Variants in NCOR1 observed in about 807,000 individuals in gnomAD.
NCOR1 encodes nuclear receptor corepressor 1, also known as protein phosphatase 1, regulatory subunit 109.
Under a neutral mutation model 288.1 loss-of-function variants are expected in NCOR1, and 63 were observed. The observed-to-expected ratio is 0.22, with a 90% confidence interval of 0.18 to 0.27. The LOEUF (loss-of-function observed/expected upper bound fraction) is 0.27, where lower values mean the gene tolerates loss of function less well. Among genes scored for constraint, NCOR1 ranks in the 10% least tolerant of loss-of-function variants. The pLI, the probability that NCOR1 is intolerant of heterozygous loss-of-function variation, is 1.00. For synonymous variants in NCOR1, 1,007 were observed against 1,065.9 expected (o/e 0.94, Z 1.08); for missense variants, 2,397 against 3,019.2 (o/e 0.79, Z 4.83).
At chr17:16,196,366 T>A (rs1011740233) in intron 1 of NCOR1, among the ~76,000 whole-genome samples, 1 of 152,044 alleles carries the variant, frequency 6.6e-6, no homozygotes, top group African/African-American at 2.4e-5. Flanking sequence ...TCATTCAATC[T>A]AACTTTAAAA....
intron 17 of NCOR1, among the ~76,000 whole-genome samples, chr17:16,118,334 T>G (rs953938838): frequency 4.6e-5 from 7 of 152,170 alleles, no homozygotes; most frequent in Non-Finnish European, 8.8e-5. Flanking sequence ...GCTCAAATAC[T>G]TGCAAACTAA....
intron 3 of NCOR1, among the ~76,000 whole-genome samples, chr17:16,181,211 ATG>A (rs61215793): frequency 0.067 from 9,393 of 139,416 alleles, 856 homozygotes; most frequent in African/African-American, 0.2. Context: ...ATATATATGT[ATG>A]TGTGTGTGTG....
chr17:16,110,160 G>A (rs2069723121), intron 18 of NCOR1, among the ~76,000 whole-genome samples: 1 of 152,078 alleles, frequency 6.6e-6, no homozygotes, highest in African/African-American at 2.4e-5. Flanking sequence ...TTTGAGATTA[G>A]CCTGCGCAAC....
At chr17:16,148,281 C>T (rs771854520) in intron 9 of NCOR1, among the ~76,000 whole-genome samples, 11 of 152,140 alleles carry the variant, frequency 7.2e-5, no homozygotes, top group Non-Finnish European at 1.0e-4. Flanking sequence ...ACTCCCTCTG[C>T]GTATACAAGT....
At chr17:16,182,486 G>C (rs190852808) in intron 3 of NCOR1, among the ~76,000 whole-genome samples, 1 of 151,928 alleles carries the variant, frequency 6.6e-6, no homozygotes, top group African/African-American at 2.4e-5. Context: ...ACGGAGTCTC[G>C]CTCTGTCACC....
intron 3 of NCOR1, among the ~76,000 whole-genome samples, chr17:16,179,803 C>T (rs1017235273): frequency 6.6e-6 from 1 of 152,044 alleles, no homozygotes; most frequent in Admixed American, 6.5e-5. Flanking sequence ...ATCACGAGGT[C>T]AGGAGATCGA....
rs1274332723 is a variant in NCOR1 at position 16,029,674 on chromosome 17, T to C, written c.*2622A>G. 1 of 159,526 alleles carries C rather than the reference T, an allele frequency of 6.3e-6. No homozygotes were observed. The highest frequency in any genetic ancestry group is 2.4e-5 in the African/African-American group (1 of 41,500). 9.9% of individuals were successfully genotyped at this position (159,526 alleles called of 1,614,324 possible). ...GCAGTGAACCACAGTAAGTTGTCAG[T>C]GCTGCTCTGTGCTTACCACTTAAAT... On this transcript the variant is annotated 3_prime_UTR_variant, in exon 46 of 46. Transcript: ENST00000268712.
Position 16,103,976 on chromosome 17 carries a change from G to A in NCOR1, c.2183-2219C>T, listed in dbSNP as rs114468804. 2.7e-3 allele frequency among the ~76,000 whole-genome samples: 417 copies of A among 152,240 alleles called. 2 individuals are homozygous for A. The highest frequency in any genetic ancestry group is 9.5e-3 in the African/African-American group (395 of 41,528). On this transcript the variant is annotated intron_variant, in intron 19 of 45. Coordinates refer to ENST00000268712, the MANE Select transcript of NCOR1 (RefSeq NM_006311.4). ...GGTGAGCCGAGATCATGCCAGCCTG[G>A]GCAACAAGAGTGAAACTCTGTACCC... is the stretch of plus-strand genomic sequence containing the variant.
At chr17:16,130,460 T>C (rs2075416654) in intron 14 of NCOR1, among the ~76,000 whole-genome samples, 1 of 152,182 alleles carries the variant, frequency 6.6e-6, no homozygotes, top group African/African-American at 2.4e-5. Context: ...GACACAAATA[T>C]TCGCAATGGC....
At chr17:16,170,407 A>G (rs564558874) in intron 4 of NCOR1, among the ~76,000 whole-genome samples, 1 of 152,314 alleles carries the variant, frequency 6.6e-6, no homozygotes, top group South Asian at 2.1e-4. Flanking sequence ...ATGTTGGTAA[A>G]AAGGTTAACA....
At chr17:16,170,835 C>A in intron 4 of NCOR1, among the ~76,000 whole-genome samples, 1 of 138,456 alleles carries the variant, frequency 7.2e-6, no homozygotes. Flanking sequence ...AGCGAGACTC[C>A]ATCTCAAAAA....
chr17:16,039,690 G>C (rs1179397477), intron 43 of NCOR1, 36 bp from the exon 44 acceptor site: 2 of 1,564,158 alleles, frequency 1.3e-6, no homozygotes, highest in African/African-American at 1.4e-5. Context: ...ACTTATTTCT[G>C]AAAGGCCAAT....
At chr17:16,183,837 AC>A (rs1220319452) in intron 3 of NCOR1, among the ~76,000 whole-genome samples, 7 of 152,202 alleles carry the variant, frequency 4.6e-5, no homozygotes, top group African/African-American at 1.7e-4. Flanking sequence ...TTAAAATTGT[AC>A]TACCAAGTTA....
In NCOR1 at chr17:16,108,818, G is replaced by A. The variant is rs2069351063; in HGVS notation, c.2150C>T (p.Ser717Phe). The A allele has an allele frequency of 1.2e-6, 2 of 1,604,210 alleles. No homozygotes were observed. Among genetic ancestry groups the A allele is most frequent in the South Asian group, 2.2e-5 (2 of 89,378 alleles). The change falls in exon 19 of 46, where the codon TCC becomes TTC. Residue 717 changes from serine to phenylalanine, a missense_variant. By Grantham distance (155) the Ser-to-Phe change is radical. Around this residue, in one of 11 missense-constraint regions of NCOR1, gnomAD observed 1,872 missense variants for 2,187.8 expected, o/e 0.86. Coordinates refer to ENST00000268712, the MANE Select transcript of NCOR1 (RefSeq NM_006311.4). Reference sequence around the variant, plus strand: ...GTCTTCTGGATTTTCTTCTTCATTGGAGGCTTCAATATCTTCATCCTCCTG... The same window carrying A: ...GTCTTCTGGATTTTCTTCTTCATTGAAGGCTTCAATATCTTCATCCTCCTG... ...SAQEDEDIEA[S>F]NEEENPEDSE... is the part of the protein sequence containing the mutation.
At position 16,064,141 on chromosome 17, in the gene NCOR1, C is replaced by T. The variant is rs528105954; in HGVS notation, c.5148G>A (p.Arg1716=). 2.5e-5 allele frequency: 40 copies of T among 1,614,172 alleles called. No individual in the cohort carries two copies. The South Asian group carries it at 4.3e-4, about 17-fold the overall frequency. The change falls in exon 35 of 46, where the codon CGG becomes CGA. Residue 1716 remains arginine, a synonymous_variant. Transcript: ENST00000268712. ...LAAAASAERE[R]EREREKERER... is the part of the protein sequence containing the mutation. ...CCCGCTCCTTCTCCCGCTCCCGTTC[C>T]CGTTCCCTCTCAGCACTTGCAGCAG...
At chr17:16,087,171 C>G (rs2064374275) in intron 22 of NCOR1, 2 of 1,303,394 alleles carry the variant, frequency 1.5e-6, no homozygotes, top group African/African-American at 1.5e-5. Flanking sequence ...GTGATATTTA[C>G]CTGGCGGGAC....
At chr17:16,108,450 A>G (rs2069274817) in intron 19 of NCOR1, among the ~76,000 whole-genome samples, 1 of 152,172 alleles carries the variant, frequency 6.6e-6, no homozygotes. Context: ...AAATAAATCA[A>G]ACTTAAGCCA....
In NCOR1 at chr17:16,165,126, G is replaced by C. The variant is rs780886471; in HGVS notation, c.471C>G (p.Ser157=). ...CACATGGTTGCCCCGAAATTGGAGA[G>C]GATGGAGCTTCATGTTTGCCTCCGA... is the stretch of plus-strand genomic sequence containing the variant. The part of the protein sequence containing the change: ...PAFGGKHEAP[S]SPISGQPCGD... The change falls in exon 5 of 46, where the codon TCC becomes TCG. Residue 157 remains serine (S), a synonymous_variant. Coordinates refer to ENST00000268712, the MANE Select transcript of NCOR1 (RefSeq NM_006311.4). The C allele has an allele frequency of 3.1e-6, 5 of 1,601,718 alleles. No homozygotes were observed. Among genetic ancestry groups the C allele is most frequent in the Non-Finnish European group, 3.4e-6 (4 of 1,177,388 alleles).
intron 4 of NCOR1, among the ~76,000 whole-genome samples, chr17:16,170,105 T>TGTGTG (rs2082837841): frequency 2.6e-5 from 2 of 76,426 alleles, no homozygotes; most frequent in African/African-American, 1.0e-4. Flanking sequence ...CATATTTGCT[T>TGTGTG]TCTGTGTGTG....
Sources: allele counts gnomAD v4.1 joint callset (sites outside exome capture counted in the v4.1 genomes callset), GRCh38; gene constraint gnomAD v4.1.1; regional missense constraint gnomAD v4.1.1; transcripts MANE v1.5; gene names NCBI Gene and HGNC (gene_info 2026-07-23, HGNC 2026-07-21).